TAF9: variants seen among roughly 807,000 people sequenced by gnomAD.
The protein encoded by TAF9 is TATA-box binding protein associated factor 9.
A neutral mutation model predicts 16.5 loss-of-function variants in TAF9; 10 were observed. That is an observed-to-expected ratio of 0.61 (90% CI 0.37 to 1.03). The LOEUF (loss-of-function observed/expected upper bound fraction) is 1.03. Among genes scored for constraint, TAF9 ranks in the 50% least tolerant of loss-of-function variants. TAF9 has a pLI of 0.01. For missense variants in TAF9, 288 were observed against 319.1 expected, an observed-to-expected ratio of 0.90 and a Z score of 0.74; for synonymous variants, 105 against 120.5, an observed-to-expected ratio of 0.87 and a Z score of 0.84.
chr5:69,365,986 A>G (rs1197235066), intron 2 of TAF9, among the ~76,000 whole-genome samples: 1 of 152,232 alleles, frequency 6.6e-6, no homozygotes, highest in Non-Finnish European at 1.5e-5. Flanking sequence ...GAAGACACAA[A>G]TAAGGGAGCG....
In TAF9 at chr5:69,365,034, T is replaced by C; in HGVS notation, c.704A>G (p.Asn235Ser). The change falls in exon 3 of 3, where the codon AAT becomes AGT. Residue 235 changes from asparagine to serine, a missense_variant. Transcript: ENST00000217893. ...LITTNMMSSQ[N>S]TANESSNALK... ...TGCATTTGATGATTCATTGGCAGTA[T>C]TTTGTGATGACATCATATTAGTGGT... 1 of 1,614,176 alleles carries C rather than the reference T, an allele frequency of 6.2e-7. No homozygotes were observed. Among genetic ancestry groups the C allele is most frequent in the Non-Finnish European group, 8.5e-7 (1 of 1,180,018 alleles).
In TAF9 at chr5:69,366,581, C is replaced by T; in HGVS notation, c.-96G>A. The T allele has an allele frequency of 6.2e-7, 1 of 1,613,650 alleles. No homozygotes were observed. The highest frequency in any genetic ancestry group is 8.5e-7 in the Non-Finnish European group (1 of 1,179,730). On this transcript the variant is annotated 5_prime_UTR_variant, in exon 2 of 3. Coordinates refer to ENST00000217893, the MANE Select transcript of TAF9 (RefSeq NM_003187.5). ...AGTTCTTTGCCTAGTGTGGTTTTTCCAACCCCTGGTGTACCTGTAAGACAA... is the reference window on the plus strand; with the variant it reads ...AGTTCTTTGCCTAGTGTGGTTTTTCTAACCCCTGGTGTACCTGTAAGACAA...
intron 2 of TAF9, 40 bp from the exon 3 acceptor site, chr5:69,365,794 C>G: frequency 7.3e-7 from 1 of 1,368,810 alleles, no homozygotes; most frequent in East Asian, 2.4e-5. Context: ...TTAGATCAAT[C>G]TGAAATAGTT....
rs201594691 is a variant in TAF9, at chr5:69,365,161, T to C, written c.577A>G (p.Thr193Ala). 2.1e-5 allele frequency: 34 copies of C among 1,614,092 alleles called. No individual in the cohort carries two copies. Among genetic ancestry groups the C allele is most frequent in the African/African-American group, 9.3e-5 (7 of 74,930 alleles). Residue 193 changes from threonine to alanine, a missense_variant, in exon 3 of 3, where the codon ACT becomes GCT. Coordinates refer to ENST00000217893, the MANE Select transcript of TAF9 (RefSeq NM_003187.5). Reference protein sequence around the residue: ...TGQRFTVQMPTSQSPAVKASI... With the variant: ...TGQRFTVQMPASQSPAVKASI... Reference sequence around the variant, plus strand: ...GCTTTTACAGCTGGAGACTGAGAAGTAGGCATCTGTACTGTAAACCTTTGA... The same window carrying C: ...GCTTTTACAGCTGGAGACTGAGAAGCAGGCATCTGTACTGTAAACCTTTGA...
chr5:69,368,156 T>C (rs1246877016), intron 1 of TAF9, among the ~76,000 whole-genome samples: 1 of 152,202 alleles, frequency 6.6e-6, no homozygotes, highest in African/African-American at 2.4e-5. Flanking sequence ...TGCATGTAAA[T>C]GTACATATAT....
In TAF9 at chr5:69,365,016, G is replaced by T. The variant is rs1762358482; in HGVS notation, c.722C>A (p.Ser241Ter). 2 of 1,613,898 alleles carry T rather than the reference G, an allele frequency of 1.2e-6. No homozygotes were observed. The highest frequency in any genetic ancestry group is 2.7e-5 in the African/African-American group (2 of 74,924). Residue 241 changes from serine to a stop codon, truncating the protein, a stop_gained, in exon 3 of 3, where the codon TCA becomes TAA. Transcript: ENST00000217893. LOFTEE classifies it high-confidence loss of function. ...MSSQNTANES[S>*]NALKRKREDD... is the part of the protein sequence containing the mutation. ...TTCACGTTTTCTTTTCAATGCATTT[G>T]ATGATTCATTGGCAGTATTTTGTGA... is the stretch of plus-strand genomic sequence containing the variant.
At chr5:69,369,238 C>CCCCCCCCA in intron 1 of TAF9, 1 of 156,870 alleles carries the variant, frequency 6.4e-6, no homozygotes. Flanking sequence ...CCCCCCCCGC[C>CCCCCCCCA]CCCCCCCGGA....
At position 69,365,244 on chromosome 5, in the gene TAF9, G is replaced by C; in HGVS notation, c.494C>G (p.Pro165Arg). The C allele has an allele frequency of 6.2e-7, 1 of 1,614,188 alleles. No homozygotes were observed. The highest frequency in any genetic ancestry group is 1.6e-4 in the Middle Eastern group (1 of 6,062). The change falls in exon 3 of 3, where the codon CCA (proline) becomes CGA (arginine). Residue 165 changes from proline to arginine, a missense_variant. Coordinates refer to ENST00000217893, the MANE Select transcript of TAF9 (RefSeq NM_003187.5). The stretch of plus-strand genomic sequence containing the variant: ...TGAAACAGACATGGTCTGTGGGGTT[G>C]GTGTGCCTAGTGTGGGAGTACTTGG... ...SRPSTPTLGT[P>R]TPQTMSVSTK...
Position 69,367,172 on chromosome 5 carries a change from G to A in TAF9, c.-110-577C>T, listed in dbSNP as rs568024780. On this transcript the variant is annotated intron_variant, in intron 1 of 2. Transcript: ENST00000217893. ...GGGGTGGGGCTCAGCAGATTCTGACGCCAATTCAAACTGCCTGCTGCTACC... is the reference window on the plus strand; with the variant it reads ...GGGGTGGGGCTCAGCAGATTCTGACACCAATTCAAACTGCCTGCTGCTACC... 5.0e-4 allele frequency among the ~76,000 whole-genome samples: 76 copies of A among 152,154 alleles called. No individual in the cohort carries two copies. In the South Asian group the frequency reaches 0.015, roughly 31 times the overall value.
Position 69,366,604 on chromosome 5 carries a change from C to T in TAF9, c.-110-9G>A, listed in dbSNP as rs199524972. On this transcript the variant is annotated splice_polypyrimidine_tract_variant and intron_variant, in intron 1 of 2. Coordinates refer to ENST00000217893, the MANE Select transcript of TAF9 (RefSeq NM_003187.5). The stretch of plus-strand genomic sequence containing the variant: ...TCCAACCCCTGGTGTACCTGTAAGA[C>T]AAGCCACAGAAAAATACTGTTTGTG... The T allele has an allele frequency of 1.3e-6, 2 of 1,596,142 alleles. No homozygotes were observed. The highest frequency in any genetic ancestry group is 1.7e-5 in the Admixed American group (1 of 58,494).
In TAF9 at chr5:69,366,488, C is replaced by G. The variant is rs778729923; in HGVS notation, c.-18+15G>C. The G allele has an allele frequency of 6.2e-7, 1 of 1,604,296 alleles. No individual in the cohort carries two copies. The highest frequency in any genetic ancestry group is 1.1e-5 in the South Asian group (1 of 90,186). ...AAAAAAAACAAAACAAATCTAACAC[C>G]AAAGTGTCCCTTACCTTCTCGAGCT... On this transcript the variant is annotated intron_variant, in intron 2 of 2. Coordinates refer to ENST00000217893, the MANE Select transcript of TAF9 (RefSeq NM_003187.5).
chr5:69,368,160 C>T (rs760424326), intron 1 of TAF9, among the ~76,000 whole-genome samples: 26 of 152,130 alleles, frequency 1.7e-4, no homozygotes, highest in Non-Finnish European at 3.4e-4. Flanking sequence ...TGTAAATGTA[C>T]ATATATGTAC....
At position 69,369,451 on chromosome 5, in the gene TAF9, G is replaced by A. The variant is rs751283583; in HGVS notation, c.-111+12C>T. Reference sequence around the variant, plus strand: ...TGCCCCAGCCCAGTCCCTCCCGGCCGCGCGCCCTGACCGGTGAGCAGGATG... The same window carrying A: ...TGCCCCAGCCCAGTCCCTCCCGGCCACGCGCCCTGACCGGTGAGCAGGATG... On this transcript the variant is annotated intron_variant, in intron 1 of 2. Transcript: ENST00000217893. The A allele has an allele frequency of 1.2e-6, 2 of 1,609,612 alleles. No homozygotes were observed. Among genetic ancestry groups the A allele is most frequent in the Non-Finnish European group, 8.5e-7 (1 of 1,178,830 alleles).
chr5:69,365,457 T>A lies in TAF9; in HGVS notation c.281A>T (p.Asp94Val), dbSNP rs764673032. Residue 94 changes from aspartate to valine, a missense_variant, in exon 3 of 3, where the codon GAT becomes GTT. Transcript: ENST00000217893. ...GGTTTGATTTCTTTGCCTTGCAATATCTAATAAAAAATCTCTTGGGGGAGG... is the reference window on the plus strand; with the variant it reads ...GGTTTGATTTCTTTGCCTTGCAATAACTAATAAAAAATCTCTTGGGGGAGG... The part of the protein sequence containing the change: ...TSPPPRDFLL[D>V]IARQRNQTPL... 33 of 1,614,056 alleles carry A rather than the reference T, an allele frequency of 2.0e-5. No individual in the cohort carries two copies. Among genetic ancestry groups the A allele is most frequent in the Non-Finnish European group, 2.8e-5 (33 of 1,180,030 alleles).
chr5:69,368,572 G>A (rs977448680), intron 1 of TAF9, among the ~76,000 whole-genome samples: 2 of 151,576 alleles, frequency 1.3e-5, no homozygotes, highest in East Asian at 3.8e-4. Context: ...TTGTGGGGTG[G>A]TTAATCTGCA....
At position 69,365,567 on chromosome 5, in the gene TAF9, A is replaced by G. The variant is rs766123967; in HGVS notation, c.171T>C (p.Tyr57=). 1.7e-5 allele frequency: 28 copies of G among 1,614,082 alleles called. No homozygotes were observed. Among genetic ancestry groups the G allele is most frequent in the Non-Finnish European group, 2.2e-5 (26 of 1,179,984 alleles). Residue 57 remains tyrosine, a synonymous_variant, in exon 3 of 3, where the codon TAT becomes TAC. Transcript: ENST00000217893. The part of the protein sequence containing the change: ...VTTILDDAKI[Y]SSHAKKATVD... ...CAGTAGCTTTCTTAGCATGGCTTGA[A>G]TAAATTTTTGCATCATCTAGAATTG...
Position 69,365,366 on chromosome 5 carries a change from A to T in TAF9, c.372T>A (p.Ala124=), listed in dbSNP as rs1762376526. Residue 124 remains alanine, a synonymous_variant, in exon 3 of 3, where the codon GCT becomes GCA. Coordinates refer to ENST00000217893, the MANE Select transcript of TAF9 (RefSeq NM_003187.5). ...GTAAAGATTTCAGCCTATAGTTTGG[A>T]GCTGTTAAGCAGTATCTATCAGGTG... ...RLPPDRYCLT[A]PNYRLKSLQK... 1 of 1,614,200 alleles carries T rather than the reference A, an allele frequency of 6.2e-7. No homozygotes were observed. Among genetic ancestry groups the T allele is most frequent in the Non-Finnish European group, 8.5e-7 (1 of 1,180,044 alleles).
chr5:69,368,022 A>G, intron 1 of TAF9: 1 of 152,304 alleles, frequency 6.6e-6, no homozygotes, highest in Non-Finnish European at 1.5e-5. Flanking sequence ...AACAAGAACA[A>G]AAACAAAACT....
chr5:69,369,784 T>TA (rs1204146142), upstream of TAF9: 3 of 1,399,724 alleles, frequency 2.1e-6, no homozygotes, highest in Non-Finnish European at 3.0e-6. Flanking sequence ...GCCCTTCGCT[T>TA]GCGCCGACCA....
Sources: gnomAD v4.1 joint callset for allele counts (sites outside exome capture counted in the v4.1 genomes callset) on GRCh38, gnomAD v4.1.1 for gene constraint, MANE v1.5 for transcripts, NCBI Gene and HGNC (gene_info 2026-07-23, HGNC 2026-07-21) for gene names.